ABR: variants seen among roughly 807,000 people sequenced by gnomAD.
The protein encoded by ABR is active breakpoint cluster region-related protein.
ABR carries 35 observed loss-of-function variants against 107.2 expected under a neutral mutation model. The observed-to-expected ratio is 0.33, with a 90% CI of 0.25 to 0.43. ABR has a LOEUF of 0.43. ABR is among the 20% of genes least tolerant of loss of function. ABR has a pLI of 1.00. For synonymous variants in ABR, 498 were observed against 462.0 expected, an observed-to-expected ratio of 1.08 and a Z score of -1.00; for missense variants, 815 against 1,115.2, an observed-to-expected ratio of 0.73 and a Z score of 3.83.
chr17:1,118,000 A>AT, intron 2 of ABR, among the ~76,000 whole-genome samples: 1 of 76,408 alleles, frequency 1.3e-5, no homozygotes, highest in East Asian at 3.1e-4. Context: ...TCCCAGCGTT[A>AT]TCCCTGAGCC....
At chr17:1,097,311 C>T (rs969592515) in intron 3 of ABR, among the ~76,000 whole-genome samples, 3 of 152,152 alleles carry the variant, frequency 2.0e-5, no homozygotes, top group African/African-American at 7.2e-5. Flanking sequence ...GCTTTATGTG[C>T]CGGACACAGT....
At position 1,056,069 on chromosome 17, in the gene ABR, G is replaced by A. The variant is rs747101011; in HGVS notation, c.1527C>T (p.Ile509=). Residue 509 remains isoleucine, a synonymous_variant, in exon 14 of 23, where the codon ATC becomes ATT. Transcript: ENST00000302538. ...SPGLYGFLHV[I]VHSAKGFKQS... ...GCTTAAATCCCTTGGCAGAGTGGAC[G>A]ATGACATGAAGGAAGCCATAGAGTC... 1.1e-5 allele frequency: 18 copies of A among 1,614,188 alleles called. No individual in the cohort carries two copies. The Middle Eastern group carries it at 6.6e-4, about 59-fold the overall frequency.
chr17:1,215,100 G>A (rs983174572), intron 1 of ABR, among the ~76,000 whole-genome samples: 1 of 149,660 alleles, frequency 6.7e-6, no homozygotes, highest in Non-Finnish European at 1.5e-5. Flanking sequence ...TGTGCCTGTA[G>A]TCCCAACTAC....
At chr17:1,012,619 T>TG in intron 18 of ABR, 69 bp downstream of exon 18, 9 of 1,179,702 alleles carry the variant, frequency 7.6e-6, no homozygotes, top group East Asian at 5.4e-5. Context: ...CGGGGAGGGC[T>TG]GGGGGGCCCG....
At chr17:1,016,290 A>G (rs1023557486) in intron 16 of ABR, among the ~76,000 whole-genome samples, 4 of 150,290 alleles carry the variant, frequency 2.7e-5, no homozygotes, top group Non-Finnish European at 5.9e-5. Context: ...AGAGTCTTTT[A>G]CTTTCTGAAC....
In ABR at chr17:1,179,727, TC is replaced by T. The variant is rs1166179553; in HGVS notation, c.-1del. On this transcript the variant is annotated 5_prime_UTR_variant, in exon 1 of 23. Coordinates refer to ENST00000302538, the MANE Select transcript of ABR (RefSeq NM_021962.5). The surrounding 1 kb of genome is among the most constrained non-coding windows in gnomAD (Gnocchi z 4.9). Reference sequence around the variant, plus strand: ...AGGCCCCGGTGGCTGAGCGGCTCCATCCCGCGGCGGCGGCTCGGTCAGATCC... The same window carrying T: ...AGGCCCCGGTGGCTGAGCGGCTCCATCCGCGGCGGCGGCTCGGTCAGATCC... 5 of 1,424,390 alleles carry T rather than the reference TC, an allele frequency of 3.5e-6. No individual in the cohort carries two copies. The highest frequency in any genetic ancestry group is 4.7e-6 in the Non-Finnish European group (5 of 1,065,074). The allele number at this position is 1,424,390 out of a possible 1,614,324, so 88.2% of individuals were successfully genotyped here. A position where few individuals can be genotyped will look rare whatever the true frequency, so the allele number is the denominator to read the frequency against.
chr17:1,209,261 C>T, intron 1 of ABR, among the ~76,000 whole-genome samples: 1 of 151,736 alleles, frequency 6.6e-6, no homozygotes. Flanking sequence ...TCACATCCTT[C>T]TCTTTTAACC....
intron 2 of ABR, among the ~76,000 whole-genome samples, chr17:1,108,193 G>C (rs984802405): frequency 6.6e-6 from 1 of 152,252 alleles, no homozygotes; most frequent in Non-Finnish European, 1.5e-5. Flanking sequence ...GTGTGTCCAG[G>C]AGAGAAAAAG....
At chr17:1,171,000 C>T (rs933340822) in intron 1 of ABR, among the ~76,000 whole-genome samples, 5 of 152,184 alleles carry the variant, frequency 3.3e-5, no homozygotes, top group South Asian at 4.1e-4. Context: ...TCTCCTAAAA[C>T]TTCACCTTCA....
chr17:1,059,267 C>G (rs2033670352), intron 10 of ABR, among the ~76,000 whole-genome samples: 1 of 152,216 alleles, frequency 6.6e-6, no homozygotes. Context: ...CAGCTGGTGC[C>G]AAGCCCTTTC....
intron 2 of ABR, among the ~76,000 whole-genome samples, chr17:1,117,010 C>T (rs956822083): frequency 3.9e-5 from 6 of 152,266 alleles, no homozygotes; most frequent in Admixed American, 2.6e-4. Context: ...CGCCTCTTCA[C>T]GCACCTACCA....
chr17:1,219,864 C>T (rs999981915), intron 1 of ABR, among the ~76,000 whole-genome samples: 63 of 151,664 alleles, frequency 4.2e-4, no homozygotes, highest in African/African-American at 1.5e-3. Context: ...CTCAGTCTCC[C>T]CATCTGCCCA....
Position 1,096,545 on chromosome 17 carries a change from G to A in ABR, c.345+4092C>T, listed in dbSNP as rs902596934. Among the ~76,000 whole-genome samples the A allele has an allele frequency of 3.9e-5, 6 of 152,208 alleles. No individual in the cohort carries two copies. In the South Asian group the frequency reaches 1.0e-3, roughly 26 times the overall value. The stretch of plus-strand genomic sequence containing the variant: ...TCTGAGGTTTTCTTCTGAGGCTGTG[G>A]CTGTGGAGGGTCCTACTCCTCTTCC... On this transcript the variant is annotated intron_variant, in intron 3 of 22. Transcript: ENST00000302538.
At chr17:1,190,675 A>G (rs890153715), upstream of ABR, among the ~76,000 whole-genome samples, 1 of 152,058 alleles carries the variant, frequency 6.6e-6, no homozygotes, top group Non-Finnish European at 1.5e-5. Flanking sequence ...TGTTTCGGGG[A>G]GGGAGGTAAA....
intron 3 of ABR, among the ~76,000 whole-genome samples, 153 bp downstream of exon 3, chr17:1,100,484 C>A (rs952380486): frequency 2.0e-5 from 3 of 152,246 alleles, no homozygotes; most frequent in African/African-American, 7.2e-5. Flanking sequence ...CTGCCCGATG[C>A]CCAGCCAGAA....
intron 1 of ABR, 67 bp from the exon 2 acceptor site, chr17:1,125,434 G>A (rs766961918): frequency 1.3e-5 from 20 of 1,586,988 alleles, no homozygotes; most frequent in Non-Finnish European, 1.5e-5. Flanking sequence ...TGGTAGCGTA[G>A]TGGGCGCCGG....
chr17:1,015,012 C>T (rs1480284251), intron 16 of ABR, among the ~76,000 whole-genome samples: 1 of 152,004 alleles, frequency 6.6e-6, no homozygotes, highest in Non-Finnish European at 1.5e-5. Context: ...TTACATTTTG[C>T]TTCCACAAAA....
chr17:1,057,813 CAATT>C (rs2033508247), intron 12 of ABR, 153 bp downstream of exon 12: 3 of 644,370 alleles, frequency 4.7e-6, no homozygotes, highest in Admixed American at 2.6e-5. Flanking sequence ...CTTTGGGTCT[CAATT>C]AATCCGTAAC....
At chr17:1,121,972 G>A (rs1418941590) in intron 2 of ABR, among the ~76,000 whole-genome samples, 9 of 152,102 alleles carry the variant, frequency 5.9e-5, no homozygotes, top group African/African-American at 1.4e-4. Context: ...GCAAGATCTC[G>A]GCTCGCTGCA....
Sources: gnomAD v4.1 joint callset for allele counts (sites outside exome capture counted in the v4.1 genomes callset) on GRCh38, gnomAD v4.1.1 for gene constraint, Gnocchi (gnomAD v3.1) non-coding constraint, MANE v1.5 for transcripts, NCBI Gene and HGNC (gene_info 2026-07-23, HGNC 2026-07-21) for gene names.